The following PLEKHA5 variants were observed in gnomAD, a reference collection of about 807,000 sequenced individuals.
The protein encoded by PLEKHA5 is pleckstrin homology domain-containing family A member 5.
In PLEKHA5, 55 loss-of-function variants were observed where a neutral mutation model predicts 181.9. That is an observed-to-expected ratio of 0.30 (90% CI 0.24 to 0.38). PLEKHA5 has a LOEUF of 0.38. PLEKHA5 is among the 10% of genes least tolerant of loss of function. PLEKHA5 has a pLI of 1.00. For missense variants in PLEKHA5, 1,432 were observed against 1,549.5 expected (o/e 0.92, Z 1.27); for synonymous variants, 535 against 529.4 (o/e 1.01, Z -0.15).
intron 31 of PLEKHA5, chr12:19,373,028 A>G (rs2095623364): frequency 6.6e-6 from 1 of 152,158 alleles, no homozygotes; most frequent in Non-Finnish European, 1.5e-5. Context: ...TCAATCTCCC[A>G]AAGTGCTGAG....
rs546628046 is a variant in PLEKHA5, at chr12:19,174,276, C to T, written c.227+41826C>T. ...TAGGTTTCGTTTTTTGTTGTTCTTCCTGCTAAACTGCTCTTAAAATGATTA... is the reference window on the plus strand; with the variant it reads ...TAGGTTTCGTTTTTTGTTGTTCTTCTTGCTAAACTGCTCTTAAAATGATTA... On this transcript the variant is annotated intron_variant, in intron 3 of 31. Coordinates refer to ENST00000429027, the MANE Select transcript of PLEKHA5 (RefSeq NM_001256470.2). Among the ~76,000 whole-genome samples, 39 of 152,224 alleles carry T rather than the reference C, an allele frequency of 2.6e-4. No homozygotes were observed. The South Asian group carries it at 7.9e-3, about 31-fold the overall frequency.
At chr12:19,375,246 C>T (rs1015633938) in intron 31 of PLEKHA5, among the ~76,000 whole-genome samples, 8 of 152,064 alleles carry the variant, frequency 5.3e-5, no homozygotes, top group African/African-American at 1.9e-4. Context: ...ATCGCTTGAA[C>T]CCAGGACGCA....
intron 23 of PLEKHA5, among the ~76,000 whole-genome samples, chr12:19,346,108 T>C (rs1217056869): frequency 6.6e-6 from 1 of 152,216 alleles, no homozygotes; most frequent in African/African-American, 2.4e-5. Context: ...CTCTGCTTTT[T>C]ATCTGTTAGA....
In PLEKHA5 at chr12:19,255,007, T is replaced by C. The variant is rs367731308; in HGVS notation, c.312-38T>C. ...AAGTGTAATTATAAAGCGGGTTACATACACAGCAAGTTCTAGCATTTTGAC... is the reference window on the plus strand; with the variant it reads ...AAGTGTAATTATAAAGCGGGTTACACACACAGCAAGTTCTAGCATTTTGAC... On this transcript the variant is annotated intron_variant, in intron 4 of 31. Coordinates refer to ENST00000429027, the MANE Select transcript of PLEKHA5 (RefSeq NM_001256470.2). The C allele has an allele frequency of 4.5e-6, 7 of 1,570,962 alleles. No homozygotes were observed. In the African/African-American group the frequency reaches 6.8e-5, roughly 15 times the overall value.
chr12:19,131,412 TATC>T (rs369721167), intron 2 of PLEKHA5, among the ~76,000 whole-genome samples: 181 of 152,364 alleles, frequency 1.2e-3, no homozygotes, highest in Middle Eastern at 3.4e-3. Flanking sequence ...ACTAATACAC[TATC>T]ATGTTTCTCA....
intron 21 of PLEKHA5, among the ~76,000 whole-genome samples, chr12:19,342,231 A>G (rs750758683): frequency 6.6e-6 from 1 of 152,150 alleles, no homozygotes; most frequent in Non-Finnish European, 1.5e-5. Flanking sequence ...TATTATCCAG[A>G]ATGGTGTTAT....
At chr12:19,184,804 C>T (rs1034189833) in intron 3 of PLEKHA5, among the ~76,000 whole-genome samples, 4 of 152,062 alleles carry the variant, frequency 2.6e-5, no homozygotes, top group Non-Finnish European at 5.9e-5. Flanking sequence ...TTGAGAGTTA[C>T]TTGAATAGAA....
chr12:19,277,964 A>G (rs374420887), intron 11 of PLEKHA5, among the ~76,000 whole-genome samples: 2 of 152,324 alleles, frequency 1.3e-5, no homozygotes, highest in South Asian at 2.1e-4. Context: ...CCAATGGGGC[A>G]CTAAATCTGA....
intron 3 of PLEKHA5, among the ~76,000 whole-genome samples, chr12:19,192,580 C>T (rs1056568763): frequency 1.3e-5 from 2 of 152,092 alleles, no homozygotes; most frequent in African/African-American, 4.8e-5. Flanking sequence ...GCATTCGCCT[C>T]TAGTCCCAGC....
At chr12:19,314,655 G>A (rs2087875694) in intron 15 of PLEKHA5, 159 bp from the exon 16 acceptor site, 1 of 644,060 alleles carries the variant, frequency 1.6e-6, no homozygotes, top group Non-Finnish European at 2.9e-6. Context: ...TGTTTGAAAT[G>A]GTTTATATGA....
intron 15 of PLEKHA5, among the ~76,000 whole-genome samples, chr12:19,296,006 T>A (rs1456638279): frequency 2.0e-5 from 3 of 152,034 alleles, no homozygotes; most frequent in Non-Finnish European, 2.9e-5. Context: ...CCAAGGCAGG[T>A]GCATCACCTG....
At chr12:19,315,690 C>T (rs891211755) in intron 16 of PLEKHA5, among the ~76,000 whole-genome samples, 2 of 152,066 alleles carry the variant, frequency 1.3e-5, no homozygotes, top group Non-Finnish European at 2.9e-5. Context: ...CTTTAAAAAT[C>T]ATGCAGAAGA....
chr12:19,356,003 A>G (rs59747677), intron 26 of PLEKHA5, among the ~76,000 whole-genome samples: 1,592 of 152,010 alleles, frequency 0.01, 28 homozygotes, highest in African/African-American at 0.036. Context: ...TGTCTCAACT[A>G]AAAATCCAAA....
intron 15 of PLEKHA5, among the ~76,000 whole-genome samples, chr12:19,312,598 ATC>A (rs1016741259): frequency 9.2e-5 from 14 of 152,114 alleles, no homozygotes; most frequent in African/African-American, 2.7e-4. Context: ...CAGCTTCCTC[ATC>A]TCTCTCAACC....
chr12:19,265,791 A>G lies in PLEKHA5; in HGVS notation c.652A>G (p.Ser218Gly). 1 of 1,602,146 alleles carries G rather than the reference A, an allele frequency of 6.2e-7. No homozygotes were observed. Among genetic ancestry groups the G allele is most frequent in the Non-Finnish European group, 8.5e-7 (1 of 1,170,080 alleles). The change falls in exon 8 of 32, where the codon AGT becomes GGT. Residue 218 changes from serine to glycine, a missense_variant. Ser to Gly is a moderately conservative substitution (Grantham distance 56). This residue lies in a region of PLEKHA5 where 289 missense variants were observed against 381.1 expected (regional missense o/e 0.76). Coordinates refer to ENST00000429027, the MANE Select transcript of PLEKHA5 (RefSeq NM_001256470.2). ...TATCCTGGGAAGCATACTGTTACCT[A>G]GTTTTCAGATAGCTTTGCTTACCTC... is the stretch of plus-strand genomic sequence containing the variant. Reference protein sequence around the residue: ...EGILGSILLPSFQIALLTSED... With the variant: ...EGILGSILLPGFQIALLTSED...
rs539981738 is a variant in PLEKHA5 at position 19,319,923 on chromosome 12, C to T, written c.2119-98C>T. 6 of 693,290 alleles carry T rather than the reference C, an allele frequency of 8.7e-6. No homozygotes were observed. The East Asian group carries it at 1.9e-4, about 22-fold the overall frequency. The allele number at this position is 693,290 out of a possible 1,614,324, so 42.9% of individuals were successfully genotyped here. On this transcript the variant is annotated intron_variant, in intron 16 of 31. Coordinates refer to ENST00000429027, the MANE Select transcript of PLEKHA5 (RefSeq NM_001256470.2). ...CACATAAACTTTTTATGAAATTTGA[C>T]TATCCATAGTTTATAACATAGGCTT...
chr12:19,356,257 A>G (rs1337979490), intron 26 of PLEKHA5, among the ~76,000 whole-genome samples: 5 of 152,034 alleles, frequency 3.3e-5, no homozygotes, highest in African/African-American at 4.8e-5. Flanking sequence ...GCTCATACCT[A>G]TAATTCCAGC....
chr12:19,269,957 G>A lies in PLEKHA5; in HGVS notation c.827+72G>A, dbSNP rs2072064936. ...TTCCATGCCTTGCAAGTATTTCACTGTCATAGTACATATCATTTTAATAGT... is the reference window on the plus strand; with the variant it reads ...TTCCATGCCTTGCAAGTATTTCACTATCATAGTACATATCATTTTAATAGT... On this transcript the variant is annotated intron_variant, in intron 9 of 31. Transcript: ENST00000429027. 18 of 815,544 alleles carry A rather than the reference G, an allele frequency of 2.2e-5. 1 individual carries two copies. The Admixed American group carries it at 3.8e-4, about 17-fold the overall frequency. The allele number at this position is 815,544 out of a possible 1,614,324, so 50.5% of individuals were successfully genotyped here.
chr12:19,266,857 A>G (rs944728238), intron 8 of PLEKHA5, among the ~76,000 whole-genome samples: 53 of 152,176 alleles, frequency 3.5e-4, no homozygotes, highest in Non-Finnish European at 6.9e-4. Flanking sequence ...AGATATATAT[A>G]TGTACCTTTA....
Sources: allele counts gnomAD v4.1 joint callset (sites outside exome capture counted in the v4.1 genomes callset), GRCh38; gene constraint gnomAD v4.1.1; regional missense constraint gnomAD v4.1.1; transcripts MANE v1.5; gene names NCBI Gene and HGNC (gene_info 2026-07-23, HGNC 2026-07-21).